MYLK4: variants seen among roughly 807,000 people sequenced by gnomAD.
MYLK4 encodes the protein myosin light chain kinase family member 4.
In MYLK4, 46 loss-of-function variants were observed where a neutral mutation model predicts 48.1. The observed-to-expected ratio is 0.96, with a 90% CI of 0.75 to 1.22. MYLK4 has a LOEUF of 1.22. Ranked by LOEUF, MYLK4 falls within the 50% of genes most tolerant of loss-of-function variation. MYLK4 has a pLI of 0.00. For synonymous variants in MYLK4, 170 were observed against 180.8 expected (o/e 0.94, Z 0.48); for missense variants, 451 against 486.1 (o/e 0.93, Z 0.68).
chr6:2,687,162 T>G (rs1761591987), intron 4 of MYLK4, among the ~76,000 whole-genome samples: 1 of 152,220 alleles, frequency 6.6e-6, no homozygotes, highest in Admixed American at 6.5e-5. Context: ...GCAGGGTTTT[T>G]GGGATCCAGT....
intron 2 of MYLK4, among the ~76,000 whole-genome samples, chr6:2,742,946 A>C (rs1352804635): frequency 6.6e-6 from 1 of 152,152 alleles, no homozygotes; most frequent in African/African-American, 2.4e-5. Context: ...AATTTTTTTA[A>C]CTGCATGCAT....
intron 3 of MYLK4, among the ~76,000 whole-genome samples, chr6:2,690,356 T>A (rs1347091675): frequency 2.0e-5 from 3 of 152,192 alleles, no homozygotes; most frequent in Non-Finnish European, 4.4e-5. Context: ...CCGGGCACTC[T>A]GTCTGGTCAG....
intron 2 of MYLK4, among the ~76,000 whole-genome samples, chr6:2,707,844 A>C (rs1762544543): frequency 6.6e-6 from 1 of 152,196 alleles, no homozygotes; most frequent in African/African-American, 2.4e-5. Context: ...CCTAAAATCT[A>C]CTTTTTTTCA....
the MYLK4 span, among the ~76,000 whole-genome samples, chr6:2,759,373 C>G: frequency 1.3e-5 from 2 of 152,230 alleles, no homozygotes; most frequent in African/African-American, 4.8e-5. Flanking sequence ...TCGCAAACTG[C>G]TGGGATTACA....
intron 2 of MYLK4, among the ~76,000 whole-genome samples, chr6:2,701,703 C>A (rs1762286743): frequency 6.6e-6 from 1 of 152,196 alleles, no homozygotes; most frequent in African/African-American, 2.4e-5. Flanking sequence ...CCAGTCTATG[C>A]AAAGTGGGCT....
intron 2 of MYLK4, chr6:2,743,978 G>T: frequency 2.5e-6 from 1 of 398,836 alleles, no homozygotes; most frequent in East Asian, 3.6e-5. Flanking sequence ...AACTGAAGAC[G>T]AGAGAAGGCA....
At chr6:2,669,751 G>C (rs1230478365) in intron 12 of MYLK4, among the ~76,000 whole-genome samples, 1 of 152,204 alleles carries the variant, frequency 6.6e-6, no homozygotes, top group African/African-American at 2.4e-5. Flanking sequence ...GTCCTCACAA[G>C]AAACAACTCT....
Position 2,666,060 on chromosome 6 carries a change from G to C in MYLK4, c.*1865C>G, listed in dbSNP as rs779871916. On this transcript the variant is annotated 3_prime_UTR_variant, in exon 13 of 13. Transcript: ENST00000274643. ...AAACGCATCATAATGTAAGAGCAAA[G>C]GCTGGAAAGGAGTCAGTTTTATAAC... 2 of 152,172 alleles carry C rather than the reference G, an allele frequency of 1.3e-5. No homozygotes were observed. The highest frequency in any genetic ancestry group is 2.9e-5 in the Non-Finnish European group (2 of 68,032). The allele number at this position is 152,172 out of a possible 1,614,324, so 9.4% of individuals were successfully genotyped here. A position where few individuals can be genotyped will look rare whatever the true frequency, so the allele number is the denominator to read the frequency against.
intron 3 of MYLK4, among the ~76,000 whole-genome samples, chr6:2,691,874 C>A (rs565752919): frequency 5.3e-5 from 8 of 152,152 alleles, no homozygotes; most frequent in Non-Finnish European, 1.0e-4. Context: ...AGTTATAAAT[C>A]ATTGCTTCAA....
intron 2 of MYLK4, among the ~76,000 whole-genome samples, chr6:2,739,096 C>T (rs1763800375): frequency 6.6e-6 from 1 of 152,218 alleles, no homozygotes; most frequent in Non-Finnish European, 1.5e-5. Context: ...AGCTTCATAA[C>T]TTTGAGCCAA....
chr6:2,761,187 C>T, the MYLK4 span, among the ~76,000 whole-genome samples: 1 of 152,106 alleles, frequency 6.6e-6, no homozygotes, highest in Non-Finnish European at 1.5e-5. Context: ...TCTATCCTCC[C>T]CATTCTGACT....
chr6:2,749,529 G>A, intron 1 of MYLK4, 123 bp from the exon 2 acceptor site: 5 of 353,848 alleles, frequency 1.4e-5, no homozygotes, highest in South Asian at 1.0e-4. Flanking sequence ...TCCAAAATCA[G>A]GAAAAGAAAT....
chr6:2,709,009 T>C (rs1295565027), intron 2 of MYLK4, among the ~76,000 whole-genome samples: 1 of 152,224 alleles, frequency 6.6e-6, no homozygotes, highest in African/African-American at 2.4e-5. Flanking sequence ...ATCCTGTTAG[T>C]GGTACTCATC....
At chr6:2,706,534 C>CT (rs925621966) in intron 2 of MYLK4, among the ~76,000 whole-genome samples, 2 of 151,950 alleles carry the variant, frequency 1.3e-5, no homozygotes, top group Non-Finnish European at 2.9e-5. Flanking sequence ...CTCAGTGAAG[C>CT]TTTTTTTAAT....
intron 2 of MYLK4, among the ~76,000 whole-genome samples, chr6:2,746,772 C>T (rs573801939): frequency 1.8e-3 from 276 of 152,280 alleles, no homozygotes; most frequent in Non-Finnish European, 3.1e-3. Context: ...GAGAGAAAAG[C>T]GTGGCATTTT....
At chr6:2,681,906 T>A (rs1002110768) in intron 7 of MYLK4, among the ~76,000 whole-genome samples, 1 of 152,260 alleles carries the variant, frequency 6.6e-6, no homozygotes, top group African/African-American at 2.4e-5. Flanking sequence ...CTGCAGAATA[T>A]CTACATTCAA....
At position 2,684,293 on chromosome 6, in the gene MYLK4, C is replaced by T. The variant is rs1317429682; in HGVS notation, c.545+1003G>A. Among the ~76,000 whole-genome samples the T allele has an allele frequency of 3.9e-5, 6 of 152,006 alleles. No homozygotes were observed. In the East Asian group the frequency reaches 9.6e-4, roughly 24 times the overall value. Reference sequence around the variant, plus strand: ...GGATGATTCACGTCCTGGGTGGGACCGAGCGGGACGGTGGGAGATTTCATC... The same window carrying T: ...GGATGATTCACGTCCTGGGTGGGACTGAGCGGGACGGTGGGAGATTTCATC... On this transcript the variant is annotated intron_variant, in intron 6 of 12. Transcript: ENST00000274643.
Position 2,666,642 on chromosome 6 carries a change from G to C in MYLK4, c.*1283C>G, listed in dbSNP as rs2113062156. ...GGTTGGTGAGCTTGGAGTTCAGCGG[G>C]TAACAGGAATTTTGTGGGGCTTTTC... On this transcript the variant is annotated 3_prime_UTR_variant, in exon 13 of 13. Transcript: ENST00000274643. The C allele has an allele frequency of 6.6e-6, 1 of 152,386 alleles. No homozygotes were observed. Among genetic ancestry groups the C allele is most frequent in the South Asian group, 2.1e-4 (1 of 4,826 alleles). 9.4% of individuals were successfully genotyped at this position (152,386 alleles called of 1,614,324 possible).
intron 2 of MYLK4, among the ~76,000 whole-genome samples, chr6:2,714,128 C>A (rs1406027983): frequency 6.6e-6 from 1 of 152,104 alleles, no homozygotes; most frequent in East Asian, 1.9e-4. Flanking sequence ...AGGTAGGAGA[C>A]CAGCAGGACT....
Sources: gnomAD v4.1 joint callset for allele counts (sites outside exome capture counted in the v4.1 genomes callset) on GRCh38, gnomAD v4.1.1 for gene constraint, MANE v1.5 for transcripts, NCBI Gene and HGNC (gene_info 2026-07-23, HGNC 2026-07-21) for gene names.